SLC25A22: variants seen among roughly 807,000 people sequenced by gnomAD.
SLC25A22 encodes the protein mitochondrial glutamate carrier 1.
Under a neutral mutation model 33.7 loss-of-function variants are expected in SLC25A22, and 23 were observed. The ratio of observed to expected loss-of-function variants is 0.68; its 90% CI spans 0.49 to 0.97. The LOEUF (loss-of-function observed/expected upper bound fraction) is 0.97. Among genes scored for constraint, SLC25A22 ranks in the 50% least tolerant of loss-of-function variants. The pLI is 0.00. For synonymous variants in SLC25A22, 245 were observed against 203.8 expected (o/e 1.20, Z -1.72); for missense variants, 390 against 451.1 (o/e 0.86, Z 1.23).
chr11:792,995 TA>T lies in SLC25A22; in HGVS notation c.294-8del. The T allele has an allele frequency of 6.2e-7, 1 of 1,612,798 alleles. No individual in the cohort carries two copies. ...AAGCAGGGTCAGCTTCTGCCTGTGG[TA>T]GGGGCGGGGCCGCAGTAAGTGGGAA... On this transcript the variant is annotated splice_region_variant and splice_polypyrimidine_tract_variant and intron_variant, in intron 5 of 9. Coordinates refer to ENST00000628067, the MANE Select transcript of SLC25A22 (RefSeq NM_001191061.2).
At chr11:794,670 C>T (rs1166188757) in intron 3 of SLC25A22, 106 bp downstream of exon 3, 7 of 1,536,442 alleles carry the variant, frequency 4.6e-6, no homozygotes, top group Non-Finnish European at 6.1e-6. Context: ...CCGCCTGCCT[C>T]CCGTTTCCCT....
At position 791,635 on chromosome 11, in the gene SLC25A22, GGT is replaced by G; in HGVS notation, c.*278_*279del. The G allele has an allele frequency of 1.9e-6, 1 of 513,356 alleles. No homozygotes were observed. The highest frequency in any genetic ancestry group is 3.5e-6 in the Non-Finnish European group (1 of 285,726). The allele number at this position is 513,356 out of a possible 1,614,324, so 31.8% of individuals were successfully genotyped here. ...CCCAGAGACCAGCTCTGTCCCTGGG[GGT>G]GTTCAGGCCAGGGCAGGATTGGGGC... On this transcript the variant is annotated 3_prime_UTR_variant, in exon 10 of 10. Transcript: ENST00000628067.
Position 795,107 on chromosome 11 carries a change from G to T in SLC25A22, c.-101C>A. 1.4e-6 allele frequency: 2 copies of T among 1,400,450 alleles called. No individual in the cohort carries two copies. Among genetic ancestry groups the T allele is most frequent in the South Asian group, 2.5e-5 (2 of 81,260 alleles). The allele number at this position is 1,400,450 out of a possible 1,614,324, so 86.8% of individuals were successfully genotyped here. On this transcript the variant is annotated 5_prime_UTR_variant, in exon 2 of 10. Transcript: ENST00000628067. Reference sequence around the variant, plus strand: ...GGCCTTGAGGGAGGGTGGGACCCAGGGGGGTTGGGTGGTGCTCCACCTTCA... The same window carrying T: ...GGCCTTGAGGGAGGGTGGGACCCAGTGGGGTTGGGTGGTGCTCCACCTTCA...
At chr11:794,161 C>T in intron 4 of SLC25A22, 1 of 677,294 alleles carries the variant, frequency 1.5e-6, no homozygotes, top group South Asian at 1.5e-5. Context: ...AAACGGGGTC[C>T]AGCCTGGCCC....
Position 794,505 on chromosome 11 carries a change from C to G in SLC25A22, c.155G>C (p.Cys52Ser). The change falls in exon 4 of 10, where the codon TGC (cysteine) becomes TCC (serine). Residue 52 changes from cysteine (C) to serine (S), a missense_variant. Coordinates refer to ENST00000628067, the MANE Select transcript of SLC25A22 (RefSeq NM_001191061.2). ...CTCGGAGCGGACGGTCTTGATGAGG[C>G]AGTCGGACCTGTGGCCAAGGGGACA... The part of the protein sequence containing the change: ...GQRVYTSMSD[C>S]LIKTVRSEGY... The G allele has an allele frequency of 6.2e-7, 1 of 1,612,680 alleles. No homozygotes were observed. The highest frequency in any genetic ancestry group is 8.5e-7 in the Non-Finnish European group (1 of 1,179,788).
chr11:791,656 T>G lies in SLC25A22; in HGVS notation c.*259A>C. ...TGGGGGTGTTCAGGCCAGGGCAGGA[T>G]TGGGGCAGGGGCTAGCTTGAGGAAT... is the stretch of plus-strand genomic sequence containing the variant. On this transcript the variant is annotated 3_prime_UTR_variant, in exon 10 of 10. Coordinates refer to ENST00000628067, the MANE Select transcript of SLC25A22 (RefSeq NM_001191061.2). The G allele has an allele frequency of 1.1e-5, 6 of 538,686 alleles. No homozygotes were observed. Among genetic ancestry groups the G allele is most frequent in the East Asian group, 3.4e-5 (1 of 29,546 alleles). The allele number at this position is 538,686 out of a possible 1,614,324, so 33.4% of individuals were successfully genotyped here.
At chr11:798,071 C>G (rs1349794377) in intron 1 of SLC25A22, 146 bp downstream of exon 1, 1 of 398,326 alleles carries the variant, frequency 2.5e-6, no homozygotes, top group Non-Finnish European at 4.4e-6. Flanking sequence ...GGAGCATCCG[C>G]TGGTCCAGGA....
At chr11:797,455 G>A (rs1036762480) in intron 1 of SLC25A22, 61 of 396,112 alleles carry the variant, frequency 1.5e-4, no homozygotes, top group Non-Finnish European at 2.5e-4. Flanking sequence ...CGGGCTGTGA[G>A]CCGTCACTGT....
intron 4 of SLC25A22, chr11:794,215 AC>A (rs1330413533): frequency 2.9e-6 from 2 of 701,082 alleles, no homozygotes; most frequent in African/African-American, 3.5e-5. Context: ...AGACAGATGT[AC>A]CATGGCATCC....
Position 795,367 on chromosome 11 carries a change from TC to T in SLC25A22, c.-163-199del, listed in dbSNP as rs1361777569. 378 of 161,150 alleles carry T rather than the reference TC, an allele frequency of 2.3e-3. 42 individuals are homozygous for T. The highest frequency in any genetic ancestry group is 0.02 in the African/African-American group (302 of 15,118). The allele number at this position is 161,150 out of a possible 1,614,324, so 10.0% of individuals were successfully genotyped here. A position where few individuals can be genotyped will look rare whatever the true frequency, so the allele number is the denominator to read the frequency against. On this transcript the variant is annotated intron_variant, in intron 1 of 9. Transcript: ENST00000628067. ...CTGGGACCACCTGGCTTCCTTTCAG[TC>T]CCCCCCTCCCCACCGCCAGCGTCTT...
Position 792,549 on chromosome 11 carries a change from C to T in SLC25A22, c.587+4G>A, listed in dbSNP as rs1864584275. The stretch of plus-strand genomic sequence containing the variant: ...CCTCCCCCCACCTGCCCTGTGCCTC[C>T]TACCTGAGCAGCGTGGCCCCGAGTC... On this transcript the variant is annotated splice_donor_region_variant and intron_variant, in intron 7 of 9. Coordinates refer to ENST00000628067, the MANE Select transcript of SLC25A22 (RefSeq NM_001191061.2). The T allele has an allele frequency of 6.2e-7, 1 of 1,612,432 alleles. No homozygotes were observed. The highest frequency in any genetic ancestry group is 8.5e-7 in the Non-Finnish European group (1 of 1,179,800).
intron 3 of SLC25A22, 82 bp downstream of exon 3, chr11:794,694 G>C: frequency 1.3e-6 from 2 of 1,549,988 alleles, no homozygotes; most frequent in Non-Finnish European, 1.7e-6. Context: ...GTCAAACAGG[G>C]TGGGGGGCAC....
At chr11:796,173 G>T (rs1173889459) in intron 1 of SLC25A22, 4 of 153,212 alleles carry the variant, frequency 2.6e-5, no homozygotes, top group Admixed American at 2.0e-4. Context: ...CTGCCCGCTG[G>T]TCCTGCTCTC....
At chr11:793,032 T>C in intron 5 of SLC25A22, 44 bp from the exon 6 acceptor site, 1 of 1,580,274 alleles carries the variant, frequency 6.3e-7, no homozygotes, top group South Asian at 1.1e-5. Context: ...GAGACAGGTC[T>C]ACCTGCCACC....
At chr11:794,704 C>G in intron 3 of SLC25A22, 72 bp downstream of exon 3, 4 of 1,556,530 alleles carry the variant, frequency 2.6e-6, no homozygotes, top group Non-Finnish European at 3.5e-6. Context: ...GTGGGGGGCA[C>G]AGGAGCAGAG....
In SLC25A22 at chr11:791,927, G is replaced by T. The variant is rs760917676; in HGVS notation, c.960C>A (p.Asp320Glu). 6 of 1,599,766 alleles carry T rather than the reference G, an allele frequency of 3.8e-6. No individual in the cohort carries two copies. Among genetic ancestry groups the T allele is most frequent in the Middle Eastern group, 2.2e-4 (1 of 4,474 alleles). ...IAESLLGLLQDPQA is the reference protein window; with the variant it reads ...IAESLLGLLQEPQA ...GCGGGTGCTGGGCTCAGGCCTGGGG[G>T]TCCTGCAGCAGCCCCAGCAGGGACT... Residue 320 changes from aspartate (D) to glutamate (E), a missense_variant, in exon 10 of 10, where the codon GAC (aspartate) becomes GAA (glutamate). Physicochemically the swap from Asp to Glu is conservative, Grantham distance 45 (BLOSUM62 2). Coordinates refer to ENST00000628067, the MANE Select transcript of SLC25A22 (RefSeq NM_001191061.2).
chr11:797,876 G>C, intron 1 of SLC25A22: 1 of 398,570 alleles, frequency 2.5e-6, no homozygotes, highest in Non-Finnish European at 4.4e-6. Context: ...TGGCCACCGC[G>C]ACTCCGGCCA....
At chr11:793,726 T>C (rs564141836) in intron 4 of SLC25A22, 107 bp from the exon 5 acceptor site, 152 of 782,648 alleles carry the variant, frequency 1.9e-4, no homozygotes, top group Non-Finnish European at 2.9e-4. Context: ...CAGTCACTCC[T>C]GGCCACCATC....
At chr11:795,251 G>T in intron 1 of SLC25A22, 82 bp from the exon 2 acceptor site, 1 of 641,890 alleles carries the variant, frequency 1.6e-6, no homozygotes, top group African/African-American at 1.8e-5. Flanking sequence ...CTCTCACGCA[G>T]CCCCTCACCC....
Sources: gnomAD v4.1 joint callset for allele counts on GRCh38, gnomAD v4.1.1 for gene constraint, MANE v1.5 for transcripts, NCBI Gene and HGNC (gene_info 2026-07-23, HGNC 2026-07-21) for gene names.